Variants in TBCE observed in about 807,000 individuals in gnomAD.
TBCE encodes the protein tubulin-specific chaperone E.
In TBCE, 53 loss-of-function variants were observed where a neutral mutation model predicts 77.0. That is an observed-to-expected ratio of 0.69 (90% CI 0.55 to 0.87). The LOEUF (loss-of-function observed/expected upper bound fraction) is 0.87. Among genes scored for constraint, TBCE ranks in the 40% least tolerant of loss-of-function variants. The probability of loss-of-function intolerance (pLI) is 0.00; values close to 1 mark genes in which losing one functional copy is unlikely to be tolerated. For missense variants in TBCE, 624 were observed against 622.4 expected (o/e 1.00, Z -0.03); for synonymous variants, 235 against 241.3 (o/e 0.97, Z 0.24).
At chr1:235,369,310 C>T (rs972785574) in intron 1 of TBCE, among the ~76,000 whole-genome samples, 42 of 150,496 alleles carry the variant, frequency 2.8e-4, no homozygotes, top group Admixed American at 1.3e-4. Context: ...AGGTCGAGAC[C>T]ATCCTGGCCA....
intron 5 of TBCE, among the ~76,000 whole-genome samples, chr1:235,425,236 A>G (rs1055785579): frequency 6.6e-6 from 1 of 152,100 alleles, no homozygotes; most frequent in African/African-American, 2.4e-5. Flanking sequence ...CTCTTAATAA[A>G]TGACAGTTCC....
rs572718697 is a variant in TBCE, at chr1:235,392,201, T to TAAA, written c.101-9300_101-9298dup. 6.1e-3 allele frequency among the ~76,000 whole-genome samples: 922 copies of TAAA among 151,340 alleles called. 8 individuals are homozygous for TAAA. Among genetic ancestry groups the TAAA allele is most frequent in the African/African-American group, 0.022 (888 of 41,278 alleles). ...AATAAATAAGTACATAAATAAAAAATAAAATCAGCCAGGCATGGTGGCATG... is the reference window on the plus strand; with the variant it reads ...AATAAATAAGTACATAAATAAAAAATAAAAAAATCAGCCAGGCATGGTGGCATG... On this transcript the variant is annotated intron_variant, in intron 2 of 16. Coordinates refer to ENST00000642610, the MANE Select transcript of TBCE (RefSeq NM_003193.5).
intron 5 of TBCE, among the ~76,000 whole-genome samples, chr1:235,422,396 C>T (rs1458032198): frequency 1.3e-5 from 2 of 151,598 alleles, no homozygotes; most frequent in Non-Finnish European, 2.9e-5. Flanking sequence ...GCCTCTAATC[C>T]CAGCTACTCA....
At chr1:235,400,947 G>T (rs1050861659) in intron 2 of TBCE, among the ~76,000 whole-genome samples, 3 of 150,582 alleles carry the variant, frequency 2.0e-5, no homozygotes, top group South Asian at 4.2e-4. Context: ...CAGGTGATCC[G>T]CCCACTTTGG....
At chr1:235,440,439 C>G (rs1016906973) in intron 13 of TBCE, among the ~76,000 whole-genome samples, 1 of 152,116 alleles carries the variant, frequency 6.6e-6, no homozygotes, top group Non-Finnish European at 1.5e-5. Flanking sequence ...GTTGCCCAGA[C>G]TGGAGTCCAA....
chr1:235,368,552 CTTTT>C (rs757168655), intron 1 of TBCE, among the ~76,000 whole-genome samples: 1 of 49,770 alleles, frequency 2.0e-5, no homozygotes, highest in South Asian at 8.3e-4. Flanking sequence ...GGACAGCCTG[CTTTT>C]TTTTTTTTTT....
At chr1:235,370,735 C>T (rs1250470842) in intron 1 of TBCE, among the ~76,000 whole-genome samples, 1 of 23,066 alleles carries the variant, frequency 4.3e-5, no homozygotes, top group Non-Finnish European at 9.7e-5. Flanking sequence ...TTTTTTCCTC[C>T]TTGTCTTTTC....
chr1:235,390,172 C>T (rs148623004), intron 2 of TBCE, among the ~76,000 whole-genome samples: 169 of 151,784 alleles, frequency 1.1e-3, no homozygotes, highest in African/African-American at 3.8e-3. Context: ...TAATGTTCTG[C>T]AAATGGCTTC....
chr1:235,441,848 A>C lies in TBCE; in HGVS notation c.1305A>C (p.Thr435=). ...YGAPEDWELK[T]QQPLMLKNQL... is the part of the protein sequence containing the mutation. The stretch of plus-strand genomic sequence containing the variant: ...CACCTGAAGATTGGGAACTCAAAAC[A>C]CAGCAACCACTTATGCTGAAAAACC... The change falls in exon 14 of 17, where the codon ACA becomes ACC. Residue 435 remains threonine, a synonymous_variant. Transcript: ENST00000642610. 1 of 1,614,128 alleles carries C rather than the reference A, an allele frequency of 6.2e-7. No individual in the cohort carries two copies. Among genetic ancestry groups the C allele is most frequent in the South Asian group, 1.1e-5 (1 of 91,086 alleles).
intron 1 of TBCE, among the ~76,000 whole-genome samples, chr1:235,373,446 A>AT (rs955540362): frequency 2.9e-4 from 43 of 147,228 alleles, no homozygotes; most frequent in East Asian, 7.9e-4. Flanking sequence ...TAACGTCTAC[A>AT]TTTTTTTTTT....
At chr1:235,398,826 G>A (rs1463442820) in intron 2 of TBCE, among the ~76,000 whole-genome samples, 3 of 150,922 alleles carry the variant, frequency 2.0e-5, no homozygotes, top group African/African-American at 7.3e-5. Context: ...TGTAGTTTTT[G>A]TAGAGATGTG....
intron 2 of TBCE, among the ~76,000 whole-genome samples, chr1:235,401,175 A>G (rs943908613): frequency 6.6e-6 from 1 of 152,114 alleles, no homozygotes; most frequent in African/African-American, 2.4e-5. Context: ...TAAGTATCTC[A>G]TATAAGTGGA....
Position 235,434,208 on chromosome 1 carries a change from T to C in TBCE, c.665T>C (p.Leu222Pro), listed in dbSNP as rs956663950. 25 of 1,614,052 alleles carry C rather than the reference T, an allele frequency of 1.5e-5. No homozygotes were observed. Among genetic ancestry groups the C allele is most frequent in the Non-Finnish European group, 2.1e-5 (25 of 1,180,028 alleles). The change falls in exon 8 of 17, where the codon CTG (leucine) becomes CCG (proline). Residue 222 changes from leucine to proline, a missense_variant. Physicochemically the swap from Leu to Pro is moderately conservative, Grantham distance 98. Coordinates refer to ENST00000642610, the MANE Select transcript of TBCE (RefSeq NM_003193.5). ...NQTGITWAEV[L>P]RCVAGCPGLE... ...TGAACCGAGTTTCTCTTCCAGGTGC[T>C]GCGGTGTGTCGCGGGGTGCCCAGGC... is the stretch of plus-strand genomic sequence containing the variant.
chr1:235,406,185 C>T (rs1679415981), intron 3 of TBCE, among the ~76,000 whole-genome samples: 1 of 152,100 alleles, frequency 6.6e-6, no homozygotes, highest in Non-Finnish European at 1.5e-5. Flanking sequence ...TGGGGCAATA[C>T]AAAAGAGATC....
At chr1:235,381,454 G>A (rs1004585429) in intron 2 of TBCE, among the ~76,000 whole-genome samples, 9 of 151,862 alleles carry the variant, frequency 5.9e-5, no homozygotes, top group African/African-American at 2.2e-4. Flanking sequence ...AGAGGCCAAG[G>A]CGGGCGGATC....
chr1:235,438,619 TGTTAAAAAGAA>T, intron 12 of TBCE, 139 bp from the exon 13 acceptor site: 8 of 849,066 alleles, frequency 9.4e-6, no homozygotes, highest in Non-Finnish European at 1.5e-5. Context: ...GTTCTGTCAA[TGTTAAAAAGAA>T]GGGTGAAAAC....
At chr1:235,437,533 C>A (rs1572434206) in intron 12 of TBCE, 59 bp downstream of exon 12, 2 of 1,595,254 alleles carry the variant, frequency 1.3e-6, no homozygotes, top group East Asian at 2.2e-5. Flanking sequence ...GATTTTAGGC[C>A]AGGCGCCGTG....
chr1:235,399,608 C>T (rs1678962116), intron 2 of TBCE, among the ~76,000 whole-genome samples: 1 of 152,254 alleles, frequency 6.6e-6, no homozygotes, highest in African/African-American at 2.4e-5. Flanking sequence ...GGAAGCTCCA[C>T]AGCCCTTCCC....
rs533767497 is a variant in TBCE, at chr1:235,443,032, C to T, written c.1399+121C>T. On this transcript the variant is annotated intron_variant, in intron 15 of 16. Transcript: ENST00000642610. ...GTGGACCTCAGAACTTACAGGTTTT[C>T]ATTAGTCTTTTATATTCTAAAATAC... The T allele has an allele frequency of 1.7e-5, 16 of 963,600 alleles. No individual in the cohort carries two copies. The South Asian group carries it at 2.0e-4, about 12-fold the overall frequency. The allele number at this position is 963,600 out of a possible 1,614,324, so 59.7% of individuals were successfully genotyped here.
Sources: allele counts gnomAD v4.1 joint callset (sites outside exome capture counted in the v4.1 genomes callset), GRCh38; gene constraint gnomAD v4.1.1; transcripts MANE v1.5; gene names NCBI Gene and HGNC (gene_info 2026-07-23, HGNC 2026-07-21).